Variants in FAT3 observed in about 807,000 individuals in gnomAD.
FAT3 encodes the protein FAT atypical cadherin 3, also known as protocadherin Fat 3.
FAT3 carries 95 observed loss-of-function variants against 310.2 expected under a neutral mutation model. The observed-to-expected ratio is 0.31, with a 90% confidence interval of 0.26 to 0.36. The LOEUF is 0.36. Ranked by LOEUF, FAT3 falls within the 10% of genes least tolerant of loss-of-function variation. FAT3 has a pLI of 1.00. For missense variants in FAT3, 5,408 were observed against 5,715.6 expected, an observed-to-expected ratio of 0.95 and a Z score of 1.74; for synonymous variants, 2,314 against 2,192.9, an observed-to-expected ratio of 1.06 and a Z score of -1.54.
intron 3 of FAT3, among the ~76,000 whole-genome samples, chr11:92,600,349 T>C (rs1939954671): frequency 6.6e-6 from 1 of 152,216 alleles, no homozygotes; most frequent in Non-Finnish European, 1.5e-5. Context: ...ACATTTGAGA[T>C]GGTTGCTGCC....
In FAT3 at chr11:92,891,022, T is replaced by C. The variant is rs756390071; in HGVS notation, c.13679T>C (p.Val4560Ala). 1 of 1,613,928 alleles carries C rather than the reference T, an allele frequency of 6.2e-7. No homozygotes were observed. The highest frequency in any genetic ancestry group is 8.5e-7 in the Non-Finnish European group (1 of 1,179,858). ...AACTGCGGCTTTGACGATTCCGAAG[T>C]AGCCATGAGTGACTACGAGAGCGTG... ...SANCGFDDSE[V>A]AMSDYESVGE... The change falls in exon 28 of 28, where the codon GTA becomes GCA. Residue 4560 changes from valine to alanine, a missense_variant. Physicochemically the swap from Val to Ala is moderately conservative, Grantham distance 64. Around this residue, in one of 5 missense-constraint regions of FAT3, gnomAD observed 649 missense variants for 666.2 expected, o/e 0.97. Transcript: ENST00000525166.
rs180939861 is a variant in FAT3, at chr11:92,253,295, A to G, written c.-18+28121A>G. Among the ~76,000 whole-genome samples, 274 of 151,926 alleles carry G rather than the reference A, an allele frequency of 1.8e-3. 1 individual carries two copies. The highest frequency in any genetic ancestry group is 4.9e-3 in the African/African-American group (204 of 41,324). ...GTGGAGCTAAGAAATGCATCTACTC[A>G]GAGGCAGCAAAACAAGTTCATCACA... On this transcript the variant is annotated intron_variant, in intron 1 of 27. Transcript: ENST00000525166.
chr11:92,857,079 T>G (rs776610429), intron 19 of FAT3, 135 bp from the exon 20 acceptor site: 133 of 1,293,874 alleles, frequency 1.0e-4, no homozygotes, highest in Non-Finnish European at 1.3e-4. Flanking sequence ...GTGGCATCTT[T>G]GTGACTCAGC....
chr11:92,408,995 A>G (rs367661751), intron 2 of FAT3, among the ~76,000 whole-genome samples: 1 of 152,200 alleles, frequency 6.6e-6, no homozygotes, highest in East Asian at 1.9e-4. Flanking sequence ...ATTTTTCTTT[A>G]ATAATCCTGT....
intron 10 of FAT3, among the ~76,000 whole-genome samples, chr11:92,802,715 G>T (rs1428156883): frequency 6.6e-6 from 1 of 152,160 alleles, no homozygotes; most frequent in Non-Finnish European, 1.5e-5. Flanking sequence ...ACATTCAAAG[G>T]CAGAACATAA....
rs998256667 is a variant in FAT3 at position 92,599,809 on chromosome 11, A to G, written c.3607+74861A>G. Reference sequence around the variant, plus strand: ...TAGGGGAGTTGTCTAGACAACCAAAATGTACACCTTTTAGGAGCTTAGACT... The same window carrying G: ...TAGGGGAGTTGTCTAGACAACCAAAGTGTACACCTTTTAGGAGCTTAGACT... On this transcript the variant is annotated intron_variant, in intron 3 of 27. Transcript: ENST00000525166. Among the ~76,000 whole-genome samples the G allele has an allele frequency of 2.6e-5, 4 of 152,184 alleles. No homozygotes were observed. In the South Asian group the frequency reaches 6.2e-4, roughly 24 times the overall value.
At chr11:92,309,073 G>A (rs796078769) in intron 1 of FAT3, among the ~76,000 whole-genome samples, 40 of 152,120 alleles carry the variant, frequency 2.6e-4, no homozygotes, top group African/African-American at 9.4e-4. Flanking sequence ...ACCATGTCCC[G>A]ATTGCTGATT....
At chr11:92,462,770 T>G (rs985785314) in intron 2 of FAT3, among the ~76,000 whole-genome samples, 3 of 152,230 alleles carry the variant, frequency 2.0e-5, no homozygotes, top group African/African-American at 7.2e-5. Context: ...AGATTTTCCT[T>G]TGTTGATGTG....
intron 2 of FAT3, among the ~76,000 whole-genome samples, chr11:92,395,365 C>T (rs1482329296): frequency 6.6e-6 from 1 of 152,168 alleles, no homozygotes; most frequent in Non-Finnish European, 1.5e-5. Flanking sequence ...CAGGTCTCTT[C>T]TGTACATGGC....
At chr11:92,684,257 T>A (rs1192616750) in intron 3 of FAT3, among the ~76,000 whole-genome samples, 1 of 152,204 alleles carries the variant, frequency 6.6e-6, no homozygotes, top group African/African-American at 2.4e-5. Flanking sequence ...AAAGAAAGAC[T>A]GCTAAATGGC....
rs1565296555 is a variant in FAT3, at chr11:92,412,752, C to CACACATATATATATATATAT, written c.3292+57349_3292+57350insCACATATATATATATATATA. Reference sequence around the variant, plus strand: ...ATATATATATATATATATAAATATACATACATATATATATATTTAATGTAA... The same window carrying CACACATATATATATATATAT: ...ATATATATATATATATATAAATATACACACATATATATATATATATATACATATATATATATTTAATGTAA... On this transcript the variant is annotated intron_variant, in intron 2 of 27. Coordinates refer to ENST00000525166, the MANE Select transcript of FAT3 (RefSeq NM_001367949.2). 1.6e-4 allele frequency among the ~76,000 whole-genome samples: 4 copies of CACACATATATATATATATAT among 24,270 alleles called. 1 individual carries two copies. Among genetic ancestry groups the CACACATATATATATATATAT allele is most frequent in the African/African-American group, 4.3e-4 (4 of 9,322 alleles). 15.9% of individuals were successfully genotyped at this position (24,270 alleles called of 152,430 possible).
At chr11:92,708,489 A>T (rs946540675) in intron 4 of FAT3, among the ~76,000 whole-genome samples, 1 of 152,256 alleles carries the variant, frequency 6.6e-6, no homozygotes, top group East Asian at 1.9e-4. Flanking sequence ...TGGGACAATA[A>T]TAATACCTTT....
intron 22 of FAT3, among the ~76,000 whole-genome samples, chr11:92,879,342 G>A (rs1309555687): frequency 1.3e-5 from 2 of 152,192 alleles, no homozygotes; most frequent in Non-Finnish European, 2.9e-5. Context: ...CAGCAGGAAA[G>A]CAGGGCCAGA....
chr11:92,869,833 T>C (rs1228386588), intron 22 of FAT3, among the ~76,000 whole-genome samples: 1 of 152,150 alleles, frequency 6.6e-6, no homozygotes, highest in Non-Finnish European at 1.5e-5. Context: ...CTTCAAGAAT[T>C]CCCTCTGGCT....
At chr11:92,488,647 G>T (rs1460007791) in intron 2 of FAT3, among the ~76,000 whole-genome samples, 1 of 151,842 alleles carries the variant, frequency 6.6e-6, no homozygotes, top group Non-Finnish European at 1.5e-5. Context: ...TCCCTCCTCT[G>T]CCTAGAACCA....
At chr11:92,881,221 A>G (rs1486057898) in intron 23 of FAT3, among the ~76,000 whole-genome samples, 4 of 152,168 alleles carry the variant, frequency 2.6e-5, no homozygotes, top group Non-Finnish European at 4.4e-5. Context: ...CATACTACCC[A>G]TTTCCGCAGA....
rs1437261353 is a variant in FAT3, at chr11:92,503,154, A to G, written c.3293-21480A>G. Among the ~76,000 whole-genome samples the G allele has an allele frequency of 2.6e-5, 4 of 152,224 alleles. No homozygotes were observed. The East Asian group carries it at 7.7e-4, about 29-fold the overall frequency. On this transcript the variant is annotated intron_variant, in intron 2 of 27. Coordinates refer to ENST00000525166, the MANE Select transcript of FAT3 (RefSeq NM_001367949.2). ...TTCAGCTGAGTGTGAAGAGGCTGCT[A>G]GCAGTTTCAGAGTGTGGCAACAAGA...
chr11:92,788,187 T>C (rs906885106), intron 7 of FAT3, among the ~76,000 whole-genome samples: 8 of 152,070 alleles, frequency 5.3e-5, no homozygotes, highest in African/African-American at 1.7e-4. Context: ...AAGGAAGCTA[T>C]CAAAGAATAC....
intron 6 of FAT3, among the ~76,000 whole-genome samples, chr11:92,771,773 A>C (rs1946462955): frequency 1.3e-5 from 2 of 152,082 alleles, no homozygotes; most frequent in South Asian, 2.1e-4. Context: ...AAAAAAAAAA[A>C]AAACATAAAA....
Sources: gnomAD v4.1 joint callset for allele counts (sites outside exome capture counted in the v4.1 genomes callset) on GRCh38, gnomAD v4.1.1 for gene constraint, gnomAD v4.1.1 regional missense constraint, MANE v1.5 for transcripts, NCBI Gene and HGNC (gene_info 2026-07-23, HGNC 2026-07-21) for gene names.